KCNQ5: variants seen among roughly 807,000 people sequenced by gnomAD.
The protein encoded by KCNQ5 is potassium voltage-gated channel subfamily KQT member 5.
KCNQ5 carries 30 observed loss-of-function variants against 98.2 expected under a neutral mutation model. That is an observed-to-expected ratio of 0.31 (90% CI 0.23 to 0.41). KCNQ5 has a LOEUF of 0.41. KCNQ5 is among the 10% of genes least tolerant of loss of function. The pLI is 1.00. For synonymous variants in KCNQ5, 458 were observed against 449.4 expected (o/e 1.02, Z -0.24); for missense variants, 835 against 1,182.5 (o/e 0.71, Z 4.31).
chr6:72,958,546 A>G (rs777427808), intron 1 of KCNQ5, among the ~76,000 whole-genome samples: 6 of 152,200 alleles, frequency 3.9e-5, no homozygotes, highest in Non-Finnish European at 8.8e-5. Flanking sequence ...GTAAGCTATT[A>G]AAGTCAAACA....
intron 1 of KCNQ5, among the ~76,000 whole-genome samples, chr6:72,712,356 G>A (rs933480627): frequency 2.0e-5 from 3 of 152,200 alleles, no homozygotes; most frequent in South Asian, 2.1e-4. Flanking sequence ...AAGAAGGAAA[G>A]AGAATATACA....
At chr6:73,046,177 A>C (rs1445300216) in intron 3 of KCNQ5, among the ~76,000 whole-genome samples, 2 of 152,284 alleles carry the variant, frequency 1.3e-5, no homozygotes, top group East Asian at 3.9e-4. Context: ...ATTGATTTTG[A>C]GACATCATTT....
At chr6:73,149,262 A>C (rs1376550161) in intron 10 of KCNQ5, among the ~76,000 whole-genome samples, 1 of 152,250 alleles carries the variant, frequency 6.6e-6, no homozygotes, top group Non-Finnish European at 1.5e-5. Context: ...AATGCATCAC[A>C]AGTAATAAGA....
chr6:72,957,603 C>T (rs539089548), intron 1 of KCNQ5, among the ~76,000 whole-genome samples: 1 of 152,260 alleles, frequency 6.6e-6, no homozygotes, highest in Non-Finnish European at 1.5e-5. Context: ...GCAGCCAGAA[C>T]GGAGAGCCAC....
At chr6:73,133,357 A>T (rs917905184) in intron 9 of KCNQ5, 64 bp from the exon 10 acceptor site, 1 of 1,419,284 alleles carries the variant, frequency 7.0e-7, no homozygotes, top group Non-Finnish European at 9.9e-7. Context: ...TCATCAAATT[A>T]CTTACCCAAG....
chr6:72,802,556 G>A (rs934647793), intron 1 of KCNQ5, among the ~76,000 whole-genome samples: 6 of 152,084 alleles, frequency 3.9e-5, no homozygotes, highest in Middle Eastern at 3.4e-3. Context: ...ACCTCATATC[G>A]TTACTTTAAC....
chr6:73,058,838 A>G (rs972714838), intron 3 of KCNQ5, among the ~76,000 whole-genome samples: 1 of 152,262 alleles, frequency 6.6e-6, no homozygotes, highest in Admixed American at 6.5e-5. Flanking sequence ...ATCTTTAGAG[A>G]AATGCAAATC....
Position 73,077,445 on chromosome 6 carries a change from G to C in KCNQ5, c.740G>C (p.Arg247Pro). The part of the protein sequence containing the change: ...LQILRMVRMD[R>P]RGGTWKLLGS... Reference sequence around the variant, plus strand: ...ATCCTCCGCATGGTGCGCATGGACCGAAGGGGAGGCACTTGGAAATTACTG... The same window carrying C: ...ATCCTCCGCATGGTGCGCATGGACCCAAGGGGAGGCACTTGGAAATTACTG... Residue 247 changes from arginine (R) to proline (P), a missense_variant, in exon 4 of 14, where the codon CGA becomes CCA. Around this residue, in one of 10 missense-constraint regions of KCNQ5, gnomAD observed 48 missense variants for 112.1 expected, o/e 0.43. Transcript: ENST00000370398. 6.2e-7 allele frequency: 1 copy of C among 1,614,104 alleles called. No homozygotes were observed. Among genetic ancestry groups the C allele is most frequent in the Non-Finnish European group, 8.5e-7 (1 of 1,179,996 alleles).
At chr6:72,843,975 G>A (rs1776913827) in intron 1 of KCNQ5, among the ~76,000 whole-genome samples, 1 of 152,154 alleles carries the variant, frequency 6.6e-6, no homozygotes, top group South Asian at 2.1e-4. Flanking sequence ...ATGGACACAG[G>A]GAGGGGAACA....
At chr6:72,828,716 AC>A (rs1776109424) in intron 1 of KCNQ5, among the ~76,000 whole-genome samples, 1 of 151,992 alleles carries the variant, frequency 6.6e-6, no homozygotes. Context: ...TGTACTACCT[AC>A]CTCTATTTGT....
intron 3 of KCNQ5, among the ~76,000 whole-genome samples, chr6:73,059,814 G>T (rs116215099): frequency 6.6e-6 from 1 of 152,006 alleles, no homozygotes; most frequent in African/African-American, 2.4e-5. Context: ...ATAAATGAAT[G>T]TAAGTATTAT....
At chr6:73,147,245 C>T (rs1004386497) in intron 10 of KCNQ5, among the ~76,000 whole-genome samples, 22 of 151,806 alleles carry the variant, frequency 1.4e-4, no homozygotes, top group African/African-American at 2.4e-5. Context: ...TGTACAATGC[C>T]CAGCACAGAA....
chr6:72,920,345 C>T (rs936808755), intron 1 of KCNQ5, among the ~76,000 whole-genome samples: 1 of 152,132 alleles, frequency 6.6e-6, no homozygotes, highest in African/African-American at 2.4e-5. Context: ...GTCAGTCTGT[C>T]CATCTGTGTT....
At chr6:72,662,045 C>T (rs1188391019) in intron 1 of KCNQ5, among the ~76,000 whole-genome samples, 1 of 152,118 alleles carries the variant, frequency 6.6e-6, no homozygotes, top group Non-Finnish European at 1.5e-5. Context: ...ATATTTTCTT[C>T]CTTCTCCTAA....
intron 2 of KCNQ5, among the ~76,000 whole-genome samples, chr6:73,025,373 G>A (rs944449226): frequency 1.3e-5 from 2 of 152,148 alleles, no homozygotes; most frequent in Admixed American, 6.5e-5. Context: ...TGTAATCCCA[G>A]AACTTTGGGA....
At chr6:73,167,262 T>C (rs1777838388) in intron 10 of KCNQ5, among the ~76,000 whole-genome samples, 1 of 152,226 alleles carries the variant, frequency 6.6e-6, no homozygotes, top group South Asian at 2.1e-4. Context: ...CAAATTTCTC[T>C]GGAGAAAACA....
intron 1 of KCNQ5, among the ~76,000 whole-genome samples, chr6:72,624,601 A>G (rs1395897779): frequency 6.6e-6 from 1 of 152,222 alleles, no homozygotes; most frequent in African/African-American, 2.4e-5. Flanking sequence ...CAAAGGTTCA[A>G]GGTTGGATAC....
At chr6:72,909,180 T>G (rs1274558443) in intron 1 of KCNQ5, among the ~76,000 whole-genome samples, 1 of 152,080 alleles carries the variant, frequency 6.6e-6, no homozygotes, top group African/African-American at 2.4e-5. Flanking sequence ...AATGTAGGTG[T>G]AAGGGGAAAA....
At chr6:72,673,621 G>A (rs1163275604) in intron 1 of KCNQ5, among the ~76,000 whole-genome samples, 1 of 151,994 alleles carries the variant, frequency 6.6e-6, no homozygotes, top group East Asian at 1.9e-4. Flanking sequence ...AGTGGAGGAG[G>A]CGAAGAGGTA....
Sources: gnomAD v4.1 joint callset for allele counts (sites outside exome capture counted in the v4.1 genomes callset) on GRCh38, gnomAD v4.1.1 for gene constraint, gnomAD v4.1.1 regional missense constraint, MANE v1.5 for transcripts, NCBI Gene and HGNC (gene_info 2026-07-23, HGNC 2026-07-21) for gene names.